The following CYB5R4 variants were observed in gnomAD, a reference collection of about 807,000 sequenced individuals.
CYB5R4 encodes cytochrome b5 reductase 4.
CYB5R4 carries 55 observed loss-of-function variants against 70.2 expected under a neutral mutation model. That is an observed-to-expected ratio of 0.78 (90% CI 0.63 to 0.98). The LOEUF is 0.98. CYB5R4 is among the 50% of genes least tolerant of loss of function. The probability of loss-of-function intolerance (pLI) is 0.00; values close to 1 mark genes in which losing one functional copy is unlikely to be tolerated. For missense variants in CYB5R4, 562 were observed against 612.6 expected (o/e 0.92, Z 0.87); for synonymous variants, 197 against 199.5 (o/e 0.99, Z 0.11).
intron 10 of CYB5R4, among the ~76,000 whole-genome samples, chr6:83,927,891 C>T (rs1044654830): frequency 2.0e-5 from 3 of 152,068 alleles, no homozygotes; most frequent in Admixed American, 2.0e-4. Flanking sequence ...CAGACAGGTC[C>T]CATCTTGAGG....
intron 3 of CYB5R4, among the ~76,000 whole-genome samples, chr6:83,905,521 T>C (rs972618912): frequency 2.0e-5 from 3 of 152,130 alleles, no homozygotes; most frequent in African/African-American, 7.2e-5. Context: ...TTCCTCGGTG[T>C]CTTAGGGTAC....
At chr6:83,914,338 A>ACC (rs2129138739) in intron 4 of CYB5R4, 78 bp from the exon 5 acceptor site, 1 of 1,413,892 alleles carries the variant, frequency 7.1e-7, no homozygotes, top group South Asian at 1.3e-5. Context: ...TGTTATCTTG[A>ACC]AATCAGTAAT....
Position 83,936,210 on chromosome 6 carries a change from A to ATT in CYB5R4, c.956-6_956-5dup. 17 of 1,510,940 alleles carry ATT rather than the reference A, an allele frequency of 1.1e-5. No individual in the cohort carries two copies. The highest frequency in any genetic ancestry group is 5.2e-5 in the South Asian group (4 of 76,836). The allele number at this position is 1,510,940 out of a possible 1,614,324, so 93.6% of individuals were successfully genotyped here. A position where few individuals can be genotyped will look rare whatever the true frequency, so the allele number is the denominator to read the frequency against. On this transcript the variant is annotated splice_polypyrimidine_tract_variant and intron_variant, in intron 11 of 15. Transcript: ENST00000369681. ...TTTAGAATTTAATTATTTTGCTGTG[A>ATT]TTTTTTTTTCTAGGTACAGAAATAG...
intron 6 of CYB5R4, 102 bp downstream of exon 6, chr6:83,918,167 G>GT: frequency 1.3e-6 from 1 of 779,964 alleles, no homozygotes; most frequent in Non-Finnish European, 2.1e-6. Context: ...ATTGCTTACT[G>GT]TTAGTCATGC....
chr6:83,862,889 T>G (rs1435828517), intron 1 of CYB5R4, among the ~76,000 whole-genome samples: 2 of 152,158 alleles, frequency 1.3e-5, no homozygotes, highest in Non-Finnish European at 2.9e-5. Context: ...ATGATGTAGA[T>G]TGATAGGATA....
At chr6:83,911,906 T>C (rs2099464752) in intron 4 of CYB5R4, among the ~76,000 whole-genome samples, 1 of 151,624 alleles carries the variant, frequency 6.6e-6, no homozygotes, top group African/African-American at 2.4e-5. Context: ...ATTACAAAAA[T>C]ATTAACCAGG....
intron 10 of CYB5R4, among the ~76,000 whole-genome samples, chr6:83,928,164 C>A: frequency 6.6e-6 from 1 of 152,042 alleles, no homozygotes; most frequent in East Asian, 1.9e-4. Context: ...CTTTTTAATT[C>A]ACAATTACGA....
At chr6:83,904,826 T>G (rs2099463509) in intron 3 of CYB5R4, among the ~76,000 whole-genome samples, 1 of 152,240 alleles carries the variant, frequency 6.6e-6, no homozygotes, top group Non-Finnish European at 1.5e-5. Context: ...TTTTTTATAA[T>G]TCTGTTGTAC....
chr6:83,885,917 C>T (rs1434005994), intron 2 of CYB5R4, among the ~76,000 whole-genome samples: 2 of 152,088 alleles, frequency 1.3e-5, no homozygotes, highest in Admixed American at 6.6e-5. Flanking sequence ...AAATATAAGT[C>T]CACACAAAAA....
intron 2 of CYB5R4, among the ~76,000 whole-genome samples, chr6:83,881,032 C>T (rs1300850798): frequency 6.6e-6 from 1 of 152,046 alleles, no homozygotes; most frequent in Non-Finnish European, 1.5e-5. Flanking sequence ...TGTCTGTTTC[C>T]CTGAGTGTAA....
At chr6:83,933,985 A>G (rs2099468536) in intron 10 of CYB5R4, among the ~76,000 whole-genome samples, 1 of 152,212 alleles carries the variant, frequency 6.6e-6, no homozygotes, top group African/African-American at 2.4e-5. Context: ...ACAAACATAG[A>G]GACACAAGAA....
chr6:83,864,674 A>G (rs912061900), intron 2 of CYB5R4, among the ~76,000 whole-genome samples: 1 of 152,214 alleles, frequency 6.6e-6, no homozygotes, highest in African/African-American at 2.4e-5. Context: ...TCAGAGCCTT[A>G]TAACAGAATT....
rs1254867200 is a variant in CYB5R4 at position 83,955,384 on chromosome 6, T to C, written c.1433T>C (p.Phe478Ser). The C allele has an allele frequency of 3.1e-6, 5 of 1,613,874 alleles. No homozygotes were observed. The African/African-American group carries it at 6.7e-5, about 22-fold the overall frequency. ...ATTTCACCAGCTCTTCTTTCTGAAT[T>C]TTTGAAAAGAAATTTGGACAAATCC... ...GHISPALLSE[F>S]LKRNLDKSKV... The change falls in exon 15 of 16, where the codon TTT becomes TCT. Residue 478 changes from phenylalanine (F) to serine (S), a missense_variant. Physicochemically the swap from Phe to Ser is radical, Grantham distance 155. Coordinates refer to ENST00000369681, the MANE Select transcript of CYB5R4 (RefSeq NM_016230.4).
At chr6:83,928,759 G>T (rs1024399345) in intron 10 of CYB5R4, among the ~76,000 whole-genome samples, 1 of 152,126 alleles carries the variant, frequency 6.6e-6, no homozygotes, top group Admixed American at 6.6e-5. Flanking sequence ...TTTTTAGAGT[G>T]AAGTCTCTTT....
At chr6:83,879,275 A>G (rs1369516401) in intron 2 of CYB5R4, among the ~76,000 whole-genome samples, 1 of 152,100 alleles carries the variant, frequency 6.6e-6, no homozygotes, top group Non-Finnish European at 1.5e-5. Context: ...CAAAGGGTCT[A>G]GGATGTGAGC....
rs559701492 is a variant in CYB5R4 at position 83,962,908 on chromosome 6, C to G, written c.*3030C>G. On this transcript the variant is annotated 3_prime_UTR_variant, in exon 16 of 16. Transcript: ENST00000369681. The stretch of plus-strand genomic sequence containing the variant: ...TCATGCTTTCAGTCTCTCTGAATTC[C>G]CTTGTGGGCTTCTTCAGCATTGGTA... The G allele has an allele frequency of 1.3e-5, 2 of 152,306 alleles. No individual in the cohort carries two copies. The highest frequency in any genetic ancestry group is 4.8e-5 in the African/African-American group (2 of 41,564). 9.4% of individuals were successfully genotyped at this position (152,306 alleles called of 1,614,324 possible). A position where few individuals can be genotyped will look rare whatever the true frequency, so the allele number is the denominator to read the frequency against.
chr6:83,943,979 CAGAG>C (rs966208325), intron 14 of CYB5R4, among the ~76,000 whole-genome samples: 2 of 152,084 alleles, frequency 1.3e-5, no homozygotes, highest in Non-Finnish European at 2.9e-5. Context: ...CTGAAAGTGA[CAGAG>C]AGAATGGAAC....
chr6:83,917,994 T>C lies in CYB5R4; in HGVS notation c.446-11T>C. On this transcript the variant is annotated splice_polypyrimidine_tract_variant and intron_variant, in intron 5 of 15. Coordinates refer to ENST00000369681, the MANE Select transcript of CYB5R4 (RefSeq NM_016230.4). ...TTTGTAGATGAACTATAGCTATCTT[T>C]CTTTGTAAAGGCATGCTTCCCAAGA... 6.2e-7 allele frequency: 1 copy of C among 1,607,302 alleles called. No homozygotes were observed. The highest frequency in any genetic ancestry group is 8.5e-7 in the Non-Finnish European group (1 of 1,175,130).
chr6:83,931,209 A>G lies in CYB5R4; in HGVS notation c.815-3386A>G, dbSNP rs61756888. On this transcript the variant is annotated intron_variant, in intron 10 of 15. Transcript: ENST00000369681. Reference sequence around the variant, plus strand: ...AATCATGTTCTCAAACTTTTAAAACAAGGCCTACTGAGTTGGGACAAGAAA... The same window carrying G: ...AATCATGTTCTCAAACTTTTAAAACGAGGCCTACTGAGTTGGGACAAGAAA... 1.7e-3 allele frequency among the ~76,000 whole-genome samples: 253 copies of G among 152,358 alleles called. 3 individuals are homozygous for G. The highest frequency in any genetic ancestry group is 5.5e-3 in the African/African-American group (229 of 41,586).
Sources: gnomAD v4.1 joint callset for allele counts (sites outside exome capture counted in the v4.1 genomes callset) on GRCh38, gnomAD v4.1.1 for gene constraint, MANE v1.5 for transcripts, NCBI Gene and HGNC (gene_info 2026-07-23, HGNC 2026-07-21) for gene names.